MTHFD2L: variants seen among roughly 807,000 people sequenced by gnomAD.
MTHFD2L encodes the protein methylenetetrahydrofolate dehydrogenase (NADP+ dependent) 2 like.
MTHFD2L carries 29 observed loss-of-function variants against 34.9 expected under a neutral mutation model. That is an observed-to-expected ratio of 0.83 (90% CI 0.62 to 1.13). MTHFD2L has a LOEUF of 1.13. MTHFD2L is among the 50% of genes most tolerant of loss of function. The pLI is 0.00. For synonymous variants in MTHFD2L, 167 were observed against 155.7 expected, an observed-to-expected ratio of 1.07 and a Z score of -0.54; for missense variants, 481 against 446.5, an observed-to-expected ratio of 1.08 and a Z score of -0.70.
At position 74,229,313 on chromosome 4, in the gene MTHFD2L, G is replaced by C. The variant is rs201869767; in HGVS notation, c.805+3919G>C. Among the ~76,000 whole-genome samples the C allele has an allele frequency of 2.6e-5, 4 of 152,226 alleles. No individual in the cohort carries two copies. In the East Asian group the frequency reaches 7.7e-4, roughly 29 times the overall value. On this transcript the variant is annotated intron_variant, in intron 6 of 7. Transcript: ENST00000325278. ...AGACAATAGGAATAAAGTATTGCCA[G>C]AATGACCATATCATGCATTGTGTGT... is the stretch of plus-strand genomic sequence containing the variant.
chr4:74,227,189 T>C (rs1739302319), intron 6 of MTHFD2L, among the ~76,000 whole-genome samples: 1 of 152,170 alleles, frequency 6.6e-6, no homozygotes. Context: ...TCTCTACTCT[T>C]TTCCACTTCT....
intron 1 of MTHFD2L, among the ~76,000 whole-genome samples, chr4:74,137,376 T>C (rs1323454496): frequency 6.6e-6 from 1 of 152,130 alleles, no homozygotes; most frequent in Non-Finnish European, 1.5e-5. Flanking sequence ...TGCTCAACAG[T>C]ACTATATATC....
rs575600014 is a variant in MTHFD2L, at chr4:74,222,545, T to C, written c.713-2757T>C. On this transcript the variant is annotated intron_variant, in intron 5 of 7. Transcript: ENST00000325278. ...GTTCCACCTCTTAATATTGTTACAA[T>C]TGCAATTCCATTTCAACATAAGTTT... 3.9e-5 allele frequency among the ~76,000 whole-genome samples: 6 copies of C among 152,228 alleles called. No individual in the cohort carries two copies. In the South Asian group the frequency reaches 1.2e-3, roughly 32 times the overall value.
At chr4:74,127,925 T>C (rs893803827) in intron 1 of MTHFD2L, among the ~76,000 whole-genome samples, 2 of 152,174 alleles carry the variant, frequency 1.3e-5, no homozygotes, top group African/African-American at 2.4e-5. Context: ...ACCTGTCATT[T>C]TGATAAAGGC....
chr4:74,198,465 A>G (rs1733857507), intron 3 of MTHFD2L, among the ~76,000 whole-genome samples: 1 of 152,062 alleles, frequency 6.6e-6, no homozygotes, highest in African/African-American at 2.4e-5. Context: ...AGCTAAAAAT[A>G]GATACTCCAA....
intron 6 of MTHFD2L, among the ~76,000 whole-genome samples, chr4:74,253,825 C>T (rs1447418697): frequency 6.6e-6 from 1 of 152,160 alleles, no homozygotes; most frequent in Non-Finnish European, 1.5e-5. Flanking sequence ...CAGGCCTGCC[C>T]ATGCAGACTC....
chr4:74,271,920 C>T (rs1365046394), intron 6 of MTHFD2L, among the ~76,000 whole-genome samples: 1 of 152,002 alleles, frequency 6.6e-6, no homozygotes, highest in Non-Finnish European at 1.5e-5. Context: ...GTATTTTATT[C>T]TCTTTGAAGT....
chr4:74,270,482 C>T (rs1745824570), intron 6 of MTHFD2L, among the ~76,000 whole-genome samples: 1 of 152,094 alleles, frequency 6.6e-6, no homozygotes, highest in South Asian at 2.1e-4. Flanking sequence ...CATCCATGTC[C>T]CTACAAAGGA....
At chr4:74,224,025 T>G (rs77924384) in intron 5 of MTHFD2L, 4 of 152,082 alleles carry the variant, frequency 2.6e-5, no homozygotes, top group East Asian at 3.8e-4. Context: ...ATGAGTTGGA[T>G]TTTTTAGATC....
chr4:74,138,278 T>A (rs1227792375), intron 1 of MTHFD2L, among the ~76,000 whole-genome samples: 1 of 152,158 alleles, frequency 6.6e-6, no homozygotes, highest in African/African-American at 2.4e-5. Context: ...AATATTCCAG[T>A]CTTCTCTGTC....
At chr4:74,189,037 T>C (rs1731954957) in intron 3 of MTHFD2L, among the ~76,000 whole-genome samples, 1 of 151,988 alleles carries the variant, frequency 6.6e-6, no homozygotes, top group African/African-American at 2.4e-5. Flanking sequence ...GGACGGAGAA[T>C]GGACTAATTG....
rs35958799 is a variant in MTHFD2L, at chr4:74,159,837, TA to T, written c.143+1563del. 4.6e-5 allele frequency among the ~76,000 whole-genome samples: 7 copies of T among 152,196 alleles called. No homozygotes were observed. The East Asian group carries it at 9.6e-4, about 21-fold the overall frequency. On this transcript the variant is annotated intron_variant, in intron 1 of 7. Coordinates refer to ENST00000325278, the MANE Select transcript of MTHFD2L (RefSeq NM_001144978.3). ...TTCCACTTGATGCAGATTATAGTTA[TA>T]AAAAAAGTAATATATTTTGATAGTT...
At chr4:74,155,695 C>G (rs1291960002), upstream of MTHFD2L, among the ~76,000 whole-genome samples, 2 of 145,364 alleles carry the variant, frequency 1.4e-5, no homozygotes, top group East Asian at 3.9e-4. Context: ...AATCTATTAT[C>G]ATACAAAAAT....
chr4:74,121,599 TA>T (rs1219281570), upstream of MTHFD2L, among the ~76,000 whole-genome samples: 1 of 145,078 alleles, frequency 6.9e-6, no homozygotes, highest in Non-Finnish European at 1.5e-5. Flanking sequence ...TAATTATATA[TA>T]ATTAATTATT....
chr4:74,254,953 G>A (rs1323552012), intron 6 of MTHFD2L, among the ~76,000 whole-genome samples: 1 of 151,838 alleles, frequency 6.6e-6, no homozygotes, highest in African/African-American at 2.4e-5. Context: ...TGGCCAATGT[G>A]GTAAAACCCC....
chr4:74,261,921 G>A (rs924076998), intron 6 of MTHFD2L, among the ~76,000 whole-genome samples: 3 of 151,910 alleles, frequency 2.0e-5, no homozygotes, highest in Admixed American at 6.6e-5. Context: ...GAGATAATAC[G>A]TGTAAAGCAC....
chr4:74,184,987 A>G (rs1335606428), intron 3 of MTHFD2L, among the ~76,000 whole-genome samples: 1 of 151,880 alleles, frequency 6.6e-6, no homozygotes, highest in East Asian at 1.9e-4. Flanking sequence ...GTCTCTACTA[A>G]AAATACAAAA....
At chr4:74,200,876 T>C (rs747530413) in intron 4 of MTHFD2L, among the ~76,000 whole-genome samples, 5 of 152,140 alleles carry the variant, frequency 3.3e-5, no homozygotes, top group Admixed American at 6.5e-5. Flanking sequence ...CCTCTTTTCT[T>C]ACTTGTTTTG....
intron 1 of MTHFD2L, among the ~76,000 whole-genome samples, chr4:74,142,639 T>C (rs1723345297): frequency 6.6e-6 from 1 of 152,212 alleles, no homozygotes; most frequent in South Asian, 2.1e-4. Context: ...TACTATGAAA[T>C]AATTGACATG....
Sources: allele counts gnomAD v4.1 joint callset (sites outside exome capture counted in the v4.1 genomes callset), GRCh38; gene constraint gnomAD v4.1.1; transcripts MANE v1.5; gene names NCBI Gene and HGNC (gene_info 2026-07-23, HGNC 2026-07-21).